STS: variants seen among roughly 807,000 people sequenced by gnomAD.
STS encodes steryl-sulfatase.
In STS, 7 loss-of-function variants were observed where a neutral mutation model predicts 26.8. That is an observed-to-expected ratio of 0.26 (90% CI 0.15 to 0.49). The LOEUF is 0.49. Ranked by LOEUF, STS falls within the 20% of genes least tolerant of loss-of-function variation. The pLI is 0.98. For synonymous variants in STS, 199 were observed against 189.4 expected, an observed-to-expected ratio of 1.05 and a Z score of -0.42; for missense variants, 434 against 465.6, an observed-to-expected ratio of 0.93 and a Z score of 0.63.
chrX:7,288,352 C>T (rs1462780164), intron 7 of STS, among the ~76,000 whole-genome samples: 1 of 109,603 alleles, frequency 9.1e-6, no homozygotes, highest in Admixed American at 9.9e-5. Context: ...AGAAGTGTTT[C>T]AGATTTGGAA....
At chrX:7,325,759 G>C (rs980708011) in intron 9 of STS, among the ~76,000 whole-genome samples, 2 of 112,212 alleles carry the variant, frequency 1.8e-5, no homozygotes, top group African/African-American at 6.5e-5. Context: ...GCAAAGTATG[G>C]GCAGTGTGTA....
At chrX:7,341,703 T>G (rs1306741844) in intron 10 of STS, among the ~76,000 whole-genome samples, 1 of 111,744 alleles carries the variant, frequency 8.9e-6, no homozygotes, top group Non-Finnish European at 1.9e-5. Context: ...TGGAGTGTAT[T>G]TGGCTTCTTG....
intron 7 of STS, among the ~76,000 whole-genome samples, chrX:7,293,131 C>G: frequency 8.9e-6 from 1 of 111,964 alleles, no homozygotes; most frequent in South Asian, 3.8e-4. Flanking sequence ...TGCAACAAGC[C>G]TCATTGGCTC....
intron 6 of STS, among the ~76,000 whole-genome samples, chrX:7,262,599 C>A (rs926876082): frequency 1.8e-5 from 2 of 112,102 alleles, no homozygotes; most frequent in Non-Finnish European, 3.8e-5. Context: ...CTAAGTATGT[C>A]AGAGGGATAA....
At chrX:7,306,694 T>C (rs1412331350) in intron 8 of STS, among the ~76,000 whole-genome samples, 1 of 111,725 alleles carries the variant, frequency 9.0e-6, no homozygotes, top group East Asian at 2.8e-4. Context: ...CTCACTTGGC[T>C]GAGGGGTTCC....
intron 2 of STS, among the ~76,000 whole-genome samples, chrX:7,214,498 A>G (rs1312967948): frequency 8.9e-6 from 1 of 112,186 alleles, no homozygotes; most frequent in African/African-American, 3.2e-5. Context: ...CCCTTGTGGA[A>G]TGAAAGGAAT....
At chrX:7,210,196 C>T (rs1191868796) in intron 2 of STS, among the ~76,000 whole-genome samples, 1 of 111,201 alleles carries the variant, frequency 9.0e-6, no homozygotes, top group African/African-American at 3.3e-5. Flanking sequence ...TGAGGAATCA[C>T]CACACTGTTT....
chrX:7,287,377 A>G (rs1369021044), intron 7 of STS, among the ~76,000 whole-genome samples: 1 of 111,984 alleles, frequency 8.9e-6, no homozygotes, highest in African/African-American at 3.2e-5. Flanking sequence ...CAGTACAGAA[A>G]GGGAATGACC....
At chrX:7,215,039 AT>A (rs1317768988) in intron 2 of STS, among the ~76,000 whole-genome samples, 13 of 65,540 alleles carry the variant, frequency 2.0e-4, no homozygotes, top group Non-Finnish European at 2.7e-4. Context: ...ATGTATATAT[AT>A]ACATATATAT....
intron 2 of STS, among the ~76,000 whole-genome samples, chrX:7,196,755 T>C (rs1165021783): frequency 2.7e-5 from 3 of 112,043 alleles, no homozygotes; most frequent in African/African-American, 9.7e-5. Flanking sequence ...TCTCTCTATC[T>C]GTATTTTGGA....
At chrX:7,273,018 T>C (rs781515630) in intron 6 of STS, among the ~76,000 whole-genome samples, 20 of 110,835 alleles carry the variant, frequency 1.8e-4, no homozygotes, top group African/African-American at 6.2e-4. Flanking sequence ...GGCATGGTGG[T>C]GTGCACCTTT....
At chrX:7,196,831 G>C (rs112193588) in intron 2 of STS, among the ~76,000 whole-genome samples, 23 of 111,330 alleles carry the variant, frequency 2.1e-4, no homozygotes, top group Middle Eastern at 4.6e-3. Flanking sequence ...TAGTCTGCCT[G>C]TATCCATCAA....
In STS at chrX:7,221,609, A is replaced by G. The variant is rs137861770; in HGVS notation, c.-5+30601A>G. On this transcript the variant is annotated intron_variant, in intron 2 of 10. Coordinates refer to ENST00000674429, the MANE Select transcript of STS (RefSeq NM_001320752.2). ...GAGCTCAAGATGGCACCAAAAGTTC[A>G]CGGTTTAGCTTCCTAAGTGCACAGG... Among the ~76,000 whole-genome samples the G allele has an allele frequency of 4.5e-5, 5 of 112,159 alleles. No individual in the cohort carries two copies. The South Asian group carries it at 1.1e-3, about 25-fold the overall frequency.
In STS at chrX:7,271,405, CATA is replaced by C. The variant is rs762606377; in HGVS notation, c.807-4541_807-4539del. 2.7e-5 allele frequency among the ~76,000 whole-genome samples: 3 copies of C among 110,569 alleles called. No homozygotes were observed. In the South Asian group the frequency reaches 1.2e-3, roughly 43 times the overall value. ...TGCCCAGGTGTGAGTAAACTTTCCCCATAATAAGTAGGATGGAGGCTTCACAGT... is the reference window on the plus strand; with the variant it reads ...TGCCCAGGTGTGAGTAAACTTTCCCCATAAGTAGGATGGAGGCTTCACAGT... On this transcript the variant is annotated intron_variant, in intron 6 of 10. Coordinates refer to ENST00000674429, the MANE Select transcript of STS (RefSeq NM_001320752.2).
chrX:7,279,311 ATGTGTG>A (rs532132394), intron 7 of STS, among the ~76,000 whole-genome samples: 4 of 78,119 alleles, frequency 5.1e-5, no homozygotes, highest in Middle Eastern at 7.4e-3. Context: ...ATATATATAT[ATGTGTG>A]TGTGTGTGTG....
At chrX:7,193,102 CAG>C (rs1163118677) in intron 2 of STS, among the ~76,000 whole-genome samples, 1 of 112,476 alleles carries the variant, frequency 8.9e-6, no homozygotes, top group East Asian at 2.8e-4. Flanking sequence ...AACCCCATAA[CAG>C]AGGATTCTCC....
At chrX:7,187,300 T>G (rs1933791525) in intron 1 of STS, among the ~76,000 whole-genome samples, 1 of 112,201 alleles carries the variant, frequency 8.9e-6, no homozygotes, top group Non-Finnish European at 1.9e-5. Context: ...CTCTAGAATA[T>G]TCACAGTGGT....
intron 2 of STS, among the ~76,000 whole-genome samples, chrX:7,222,131 T>A (rs1921595483): frequency 8.9e-6 from 1 of 111,863 alleles, no homozygotes; most frequent in Non-Finnish European, 1.9e-5. Context: ...ATACTGGATC[T>A]CTTGGTGCCT....
chrX:7,186,751 C>T (rs1221447724), intron 1 of STS, among the ~76,000 whole-genome samples: 2 of 112,301 alleles, frequency 1.8e-5, no homozygotes, highest in Non-Finnish European at 3.8e-5. Context: ...GCTATTTGAT[C>T]AGCATTGTAA....
Sources: allele counts gnomAD v4.1 joint callset (sites outside exome capture counted in the v4.1 genomes callset), GRCh38; gene constraint gnomAD v4.1.1; transcripts MANE v1.5; gene names NCBI Gene and HGNC (gene_info 2026-07-23, HGNC 2026-07-21).